Variants in STXBP5L observed in about 807,000 individuals in gnomAD.
STXBP5L encodes syntaxin-binding protein 5-like.
A neutral mutation model predicts 144.5 loss-of-function variants in STXBP5L; 65 were observed. The observed-to-expected ratio is 0.45, with a 90% CI of 0.37 to 0.55. The LOEUF (loss-of-function observed/expected upper bound fraction) is 0.55, where lower values mean the gene tolerates loss of function less well. Ranked by LOEUF, STXBP5L falls within the 20% of genes least tolerant of loss-of-function variation. STXBP5L has a pLI of 0.00. For missense variants in STXBP5L, 1,298 were observed against 1,405.5 expected (o/e 0.92, Z 1.22); for synonymous variants, 505 against 469.6 (o/e 1.08, Z -0.97).
chr3:121,222,907 G>A (rs1381196200), intron 10 of STXBP5L, 96 bp from the exon 11 acceptor site: 1 of 1,359,178 alleles, frequency 7.4e-7, no homozygotes, highest in South Asian at 1.5e-5. Context: ...CATGTTATAT[G>A]GTATGCAACA....
intron 18 of STXBP5L, among the ~76,000 whole-genome samples, chr3:121,279,473 C>T (rs2050982745): frequency 6.6e-6 from 1 of 151,804 alleles, no homozygotes; most frequent in Non-Finnish European, 1.5e-5. Flanking sequence ...AACCTATCTC[C>T]CCCTTGCATA....
chr3:121,250,739 A>G lies in STXBP5L; in HGVS notation c.1417A>G (p.Ile473Val), dbSNP rs2050002730. Residue 473 changes from isoleucine (I) to valine (V), a missense_variant, in exon 15 of 27, where the codon ATA (isoleucine) becomes GTA (valine). Ile to Val is a conservative substitution (Grantham distance 29). Coordinates refer to ENST00000471454, the MANE Select transcript of STXBP5L (RefSeq NM_001308330.2). ...CTCATCTAGTCATGCAGATGGATCAATAAAATTTTGGGATGCTTCTGCAAG... is the reference window on the plus strand; with the variant it reads ...CTCATCTAGTCATGCAGATGGATCAGTAAAATTTTGGGATGCTTCTGCAAG... Reference protein sequence around the residue: ...IIITGHADGSIKFWDASAITL... With the variant: ...IIITGHADGSVKFWDASAITL... 5.0e-6 allele frequency: 8 copies of G among 1,609,618 alleles called. No individual in the cohort carries two copies. The highest frequency in any genetic ancestry group is 2.2e-5 in the South Asian group (2 of 90,366).
intron 19 of STXBP5L, among the ~76,000 whole-genome samples, chr3:121,312,524 T>C (rs1249917222): frequency 7.8e-6 from 1 of 127,782 alleles, no homozygotes; most frequent in African/African-American, 3.0e-5. Context: ...TTTGGCAGGG[T>C]CATAGGACAA....
intron 5 of STXBP5L, among the ~76,000 whole-genome samples, chr3:121,064,613 CAT>C (rs982713887): frequency 1.3e-5 from 2 of 152,218 alleles, no homozygotes; most frequent in African/African-American, 4.8e-5. Flanking sequence ...AGTCTGTGGA[CAT>C]ATGTTATATT....
At chr3:121,055,637 A>G (rs1210247358) in intron 5 of STXBP5L, among the ~76,000 whole-genome samples, 1 of 151,654 alleles carries the variant, frequency 6.6e-6, no homozygotes. Flanking sequence ...CAGCCTCCTT[A>G]GTGCTGGGAC....
intron 20 of STXBP5L, among the ~76,000 whole-genome samples, chr3:121,347,265 A>T (rs2045034121): frequency 6.6e-6 from 1 of 151,994 alleles, no homozygotes; most frequent in African/African-American, 2.4e-5. Flanking sequence ...ATAGTTGTAG[A>T]TATGTGGCAT....
rs1329896394 is a variant in STXBP5L, at chr3:121,420,367, A to C, written c.*1270A>C. On this transcript the variant is annotated 3_prime_UTR_variant, in exon 27 of 27. Transcript: ENST00000471454. ...TCATTATAGACAATAGAAATACATA[A>C]AGAGTTTAATGATACAAAATCAATG... is the stretch of plus-strand genomic sequence containing the variant. 3 of 149,398 alleles carry C rather than the reference A, an allele frequency of 2.0e-5. No homozygotes were observed. The East Asian group carries it at 5.9e-4, about 30-fold the overall frequency. 9.3% of individuals were successfully genotyped at this position (149,398 alleles called of 1,614,324 possible).
chr3:121,376,943 C>T (rs766908204), intron 20 of STXBP5L, among the ~76,000 whole-genome samples: 7 of 152,116 alleles, frequency 4.6e-5, no homozygotes, highest in South Asian at 2.1e-4. Flanking sequence ...TGGTCCTTCA[C>T]GTCCCTTGTA....
chr3:121,093,084 G>A (rs536185534), intron 5 of STXBP5L, among the ~76,000 whole-genome samples: 5 of 152,256 alleles, frequency 3.3e-5, no homozygotes, highest in African/African-American at 1.2e-4. Context: ...TTATTGATTT[G>A]CATATATCGA....
intron 19 of STXBP5L, chr3:121,282,295 T>G (rs746112529): frequency 1.2e-6 from 2 of 1,612,212 alleles, no homozygotes; most frequent in Admixed American, 3.3e-5. Context: ...CCTGTCTAAC[T>G]TTTATCCTGA....
intron 10 of STXBP5L, among the ~76,000 whole-genome samples, chr3:121,220,799 C>T (rs929977107): frequency 5.3e-5 from 8 of 152,034 alleles, no homozygotes; most frequent in African/African-American, 1.9e-4. Context: ...TACTCACTAG[C>T]TGCTTGACCC....
chr3:121,394,251 T>C (rs2046667978), intron 22 of STXBP5L, among the ~76,000 whole-genome samples: 2 of 152,194 alleles, frequency 1.3e-5, no homozygotes, highest in South Asian at 4.1e-4. Context: ...GTGGTACTGA[T>C]TTTTATACAT....
chr3:121,250,669 A>ATTATGATT, intron 14 of STXBP5L, 54 bp from the exon 15 acceptor site: 1 of 1,424,744 alleles, frequency 7.0e-7, no homozygotes, highest in Non-Finnish European at 9.8e-7. Context: ...ATTTGGAGTG[A>ATTATGATT]TTATGATTTT....
chr3:121,050,579 AG>A (rs1173864518), intron 5 of STXBP5L, among the ~76,000 whole-genome samples: 6 of 152,192 alleles, frequency 3.9e-5, no homozygotes, highest in African/African-American at 1.4e-4. Context: ...GAGCTCCTGA[AG>A]GAAGCACTAA....
At chr3:121,242,216 AT>A (rs1420380405) in intron 14 of STXBP5L, among the ~76,000 whole-genome samples, 1 of 152,172 alleles carries the variant, frequency 6.6e-6, no homozygotes, top group East Asian at 1.9e-4. Flanking sequence ...TAATGCAATA[AT>A]AAAAGTATGG....
At chr3:121,241,959 C>A (rs1365722769) in intron 14 of STXBP5L, among the ~76,000 whole-genome samples, 1 of 152,094 alleles carries the variant, frequency 6.6e-6, no homozygotes, top group Admixed American at 6.6e-5. Flanking sequence ...TCATCAGAAA[C>A]CCTGCCTGCC....
At chr3:120,995,819 T>G (rs1188351891) in intron 3 of STXBP5L, among the ~76,000 whole-genome samples, 1 of 152,170 alleles carries the variant, frequency 6.6e-6, no homozygotes, top group Non-Finnish European at 1.5e-5. Context: ...TAGTTTATTA[T>G]ATTGAACCAC....
At chr3:121,085,701 A>T (rs946619628) in intron 5 of STXBP5L, among the ~76,000 whole-genome samples, 5 of 152,254 alleles carry the variant, frequency 3.3e-5, no homozygotes, top group African/African-American at 1.2e-4. Context: ...AAAACATTCC[A>T]TGCTTGTGGA....
At chr3:121,361,035 A>G (rs931221612) in intron 20 of STXBP5L, among the ~76,000 whole-genome samples, 1 of 152,104 alleles carries the variant, frequency 6.6e-6, no homozygotes, top group African/African-American at 2.4e-5. Flanking sequence ...TTAGTTCCGC[A>G]TGTTTCAAGG....
Sources: gnomAD v4.1 joint callset for allele counts (sites outside exome capture counted in the v4.1 genomes callset) on GRCh38, gnomAD v4.1.1 for gene constraint, MANE v1.5 for transcripts, NCBI Gene and HGNC (gene_info 2026-07-23, HGNC 2026-07-21) for gene names.